The following KRR1 variants were observed in gnomAD, a reference collection of about 807,000 sequenced individuals.
The protein encoded by KRR1 is KRR1 small subunit processome component, also known as KRR1 small subunit processome component homolog.
KRR1 carries 23 observed loss-of-function variants against 50.0 expected under a neutral mutation model. That is an observed-to-expected ratio of 0.46 (90% CI 0.33 to 0.65). The LOEUF (loss-of-function observed/expected upper bound fraction) is 0.65, where lower values mean the gene tolerates loss of function less well. KRR1 is among the 30% of genes least tolerant of loss of function. The pLI is 0.02. For synonymous variants in KRR1, 133 were observed against 146.3 expected (o/e 0.91, Z 0.66); for missense variants, 419 against 442.4 (o/e 0.95, Z 0.47).
rs768895750 is a variant in KRR1, at chr12:75,506,576, C to G, written c.427G>C (p.Asp143His). 1.3e-6 allele frequency: 2 copies of G among 1,508,492 alleles called. No homozygotes were observed. Among genetic ancestry groups the G allele is most frequent in the South Asian group, 2.3e-5 (2 of 85,900 alleles). 93.4% of individuals were successfully genotyped at this position (1,508,492 alleles called of 1,614,324 possible). The change falls in exon 4 of 10, where the codon GAC (aspartate) becomes CAC (histidine). Residue 143 changes from aspartate to histidine, a missense_variant. Transcript: ENST00000229214. ...VRILQDDVAC[D>H]IIKIGSLVRN... ...ACTAAAGAACCTATTTTAATGATGT[C>G]ACATGCAACATCATCCTGAAGAATT... is the stretch of plus-strand genomic sequence containing the variant.
intron 5 of KRR1, 105 bp downstream of exon 5, chr12:75,506,211 C>T (rs2046420771): frequency 1.5e-6 from 1 of 671,854 alleles, no homozygotes; most frequent in Non-Finnish European, 2.4e-6. Context: ...AATCAAAGCA[C>T]ATTCTAAAGA....
Position 75,493,843 on chromosome 12 carries a change from C to T in KRR1, c.*5966G>A, listed in dbSNP as rs2046336077. On this transcript the variant is annotated 3_prime_UTR_variant, in exon 10 of 10. Coordinates refer to ENST00000229214, the MANE Select transcript of KRR1 (RefSeq NM_007043.7). Reference sequence around the variant, plus strand: ...CCCAAGATGAATACTACCATTTCCACAGACCTCACCGACTGTCTTGGTTTT... The same window carrying T: ...CCCAAGATGAATACTACCATTTCCATAGACCTCACCGACTGTCTTGGTTTT... The T allele has an allele frequency of 6.6e-6, 1 of 152,202 alleles. No individual in the cohort carries two copies. Among genetic ancestry groups the T allele is most frequent in the African/African-American group, 2.4e-5 (1 of 41,452 alleles). 9.4% of individuals were successfully genotyped at this position (152,202 alleles called of 1,614,324 possible).
chr12:75,499,548 C>A lies in KRR1; in HGVS notation c.*261G>T, dbSNP rs1268421470. ...CAAATGCTGGGACATCATTACTAAC[C>A]AATAGCATCAGACACTGGATTTAAT... On this transcript the variant is annotated 3_prime_UTR_variant, in exon 10 of 10. Coordinates refer to ENST00000229214, the MANE Select transcript of KRR1 (RefSeq NM_007043.7). 3 of 215,216 alleles carry A rather than the reference C, an allele frequency of 1.4e-5. No homozygotes were observed. The highest frequency in any genetic ancestry group is 6.9e-5 in the African/African-American group (3 of 43,424). 13.3% of individuals were successfully genotyped at this position (215,216 alleles called of 1,614,324 possible).
Position 75,498,667 on chromosome 12 carries a change from T to TTTTC in KRR1, c.*1138_*1141dup. ...CAACTGTGTCTACCCTTTTAATTTT[T>TTTTC]TTTCTTTCTTCCCCCTAACTTTACA... is the stretch of plus-strand genomic sequence containing the variant. On this transcript the variant is annotated 3_prime_UTR_variant, in exon 10 of 10. Coordinates refer to ENST00000229214, the MANE Select transcript of KRR1 (RefSeq NM_007043.7). 1 of 1,598,288 alleles carries TTTTC rather than the reference T, an allele frequency of 6.3e-7. No homozygotes were observed. Among genetic ancestry groups the TTTTC allele is most frequent in the Non-Finnish European group, 8.6e-7 (1 of 1,165,852 alleles).
At position 75,506,696 on chromosome 12, in the gene KRR1, A is replaced by G. The variant is rs1010343338; in HGVS notation, c.393+86T>C. 5 of 1,552,790 alleles carry G rather than the reference A, an allele frequency of 3.2e-6. No individual in the cohort carries two copies. In the African/African-American group the frequency reaches 6.9e-5, roughly 22 times the overall value. On this transcript the variant is annotated intron_variant, in intron 3 of 9. Coordinates refer to ENST00000229214, the MANE Select transcript of KRR1 (RefSeq NM_007043.7). ...TTCCAGGCCCACGCTATTGTTACCT[A>G]AGCACAAATATGAAAACTTGATGGT...
Position 75,503,903 on chromosome 12 carries a change from C to A in KRR1, c.831+1G>T. The stretch of plus-strand genomic sequence containing the variant: ...TATGAAGTTCTACATTTAGTACTAA[C>A]CTGACTTTCTGGTTGTGGTGGTGGG... On this transcript the variant is annotated splice_donor_variant, in intron 7 of 9. Coordinates refer to ENST00000229214, the MANE Select transcript of KRR1 (RefSeq NM_007043.7). LOFTEE classifies it high-confidence loss of function. The A allele has an allele frequency of 1.9e-6, 3 of 1,600,752 alleles. No individual in the cohort carries two copies. The highest frequency in any genetic ancestry group is 2.6e-6 in the Non-Finnish European group (3 of 1,175,102).
chr12:75,496,580 C>A lies in KRR1; in HGVS notation c.*3229G>T, dbSNP rs557376203. On this transcript the variant is annotated 3_prime_UTR_variant, in exon 10 of 10. Transcript: ENST00000229214. Reference sequence around the variant, plus strand: ...CCTTCCATCCCAGTATGTTTTTTTACCATGGTGTGAAGGGGAAACTTCAAT... The same window carrying A: ...CCTTCCATCCCAGTATGTTTTTTTAACATGGTGTGAAGGGGAAACTTCAAT... 2 of 152,002 alleles carry A rather than the reference C, an allele frequency of 1.3e-5. No individual in the cohort carries two copies. Among genetic ancestry groups the A allele is most frequent in the African/African-American group, 4.8e-5 (2 of 41,478 alleles). 9.4% of individuals were successfully genotyped at this position (152,002 alleles called of 1,614,324 possible).
Position 75,491,934 on chromosome 12 carries a change from G to T in KRR1, c.*7875C>A, listed in dbSNP as rs1440029218. 6.6e-6 allele frequency: 1 copy of T among 152,222 alleles called. No homozygotes were observed. Among genetic ancestry groups the T allele is most frequent in the South Asian group, 2.1e-4 (1 of 4,830 alleles). The allele number at this position is 152,222 out of a possible 1,614,324, so 9.4% of individuals were successfully genotyped here. A position where few individuals can be genotyped will look rare whatever the true frequency, so the allele number is the denominator to read the frequency against. Reference sequence around the variant, plus strand: ...GGTGTAATGTGCAGAAGACATGCTCGATACTCTGACTGAGTGCTGTAGGTG... The same window carrying T: ...GGTGTAATGTGCAGAAGACATGCTCTATACTCTGACTGAGTGCTGTAGGTG... On this transcript the variant is annotated 3_prime_UTR_variant, in exon 10 of 10. Transcript: ENST00000229214.
At position 75,498,122 on chromosome 12, in the gene KRR1, A is replaced by G. The variant is rs2046363037; in HGVS notation, c.*1687T>C. 6.6e-6 allele frequency: 1 copy of G among 152,500 alleles called. No individual in the cohort carries two copies. 9.4% of individuals were successfully genotyped at this position (152,500 alleles called of 1,614,324 possible). ...GGAAAAGGTTTCTATTTTATAAAAG[A>G]AAGTATCCAGAAGGCTAAAGGCAGT... On this transcript the variant is annotated 3_prime_UTR_variant, in exon 10 of 10. Coordinates refer to ENST00000229214, the MANE Select transcript of KRR1 (RefSeq NM_007043.7).
At chr12:75,507,827 GA>G (rs539391661) in intron 2 of KRR1, among the ~76,000 whole-genome samples, 8 of 147,528 alleles carry the variant, frequency 5.4e-5, no homozygotes, top group South Asian at 2.1e-4. Flanking sequence ...TCCCCAGTTT[GA>G]AAAAAAAAAT....
chr12:75,507,268 AC>A (rs1429071313), intron 2 of KRR1, among the ~76,000 whole-genome samples: 8 of 152,182 alleles, frequency 5.3e-5, no homozygotes, highest in African/African-American at 1.9e-4. Context: ...CCTATTCTGG[AC>A]CCAGCTCCAG....
At position 75,499,786 on chromosome 12, in the gene KRR1, C is replaced by A; in HGVS notation, c.*23G>T. ...AAATCCTTTACAAAAGGAGATAGTTCTAGTCAAGGAGTTTTGGGTATGTTA... is the reference window on the plus strand; with the variant it reads ...AAATCCTTTACAAAAGGAGATAGTTATAGTCAAGGAGTTTTGGGTATGTTA... On this transcript the variant is annotated 3_prime_UTR_variant, in exon 10 of 10. Transcript: ENST00000229214. The A allele has an allele frequency of 6.4e-7, 1 of 1,563,246 alleles. No individual in the cohort carries two copies. The highest frequency in any genetic ancestry group is 1.2e-5 in the South Asian group (1 of 84,182).
chr12:75,503,622 A>C (rs187702707), intron 7 of KRR1: 24 of 241,404 alleles, frequency 9.9e-5, no homozygotes, highest in Admixed American at 7.5e-4. Flanking sequence ...AGAGTATTGC[A>C]GACTAAACGA....
chr12:75,510,613 A>G (rs1236566544), intron 1 of KRR1, among the ~76,000 whole-genome samples: 2 of 152,226 alleles, frequency 1.3e-5, no homozygotes, highest in East Asian at 3.8e-4. Flanking sequence ...ACAGAATGCA[A>G]CACAATTCAG....
At chr12:75,502,103 C>T (rs2046398538) in intron 7 of KRR1, 103 bp from the exon 8 acceptor site, 2 of 865,054 alleles carry the variant, frequency 2.3e-6, no homozygotes, top group Non-Finnish European at 3.8e-6. Flanking sequence ...TGGGGTCAAA[C>T]TGATTTATTA....
At position 75,491,175 on chromosome 12, in the gene KRR1, AGATT is replaced by A. The variant is rs71745980; in HGVS notation, c.*8630_*8633del. On this transcript the variant is annotated 3_prime_UTR_variant, in exon 10 of 10. Transcript: ENST00000229214. Reference sequence around the variant, plus strand: ...AAGTGATTTTAATCATAAAAATGATAGATTGTTTATATAATGCTTACAATGCTCT... The same window carrying A: ...AAGTGATTTTAATCATAAAAATGATAGTTTATATAATGCTTACAATGCTCT... 0.32 allele frequency: 49,061 copies of A among 151,900 alleles called. 8,506 individuals carry two copies. Among genetic ancestry groups the A allele is most frequent in the East Asian group, 0.45 (2,320 of 5,140 alleles). The allele number at this position is 151,900 out of a possible 1,614,324, so 9.4% of individuals were successfully genotyped here.
rs1425638693 is a variant in KRR1, at chr12:75,498,959, A to G, written c.*850T>C. On this transcript the variant is annotated 3_prime_UTR_variant, in exon 10 of 10. Transcript: ENST00000229214. Reference sequence around the variant, plus strand: ...ATTTTGGTACAGCACAAGTACCCTAATTTAGTTCTTTTGGACTAATACAAT... The same window carrying G: ...ATTTTGGTACAGCACAAGTACCCTAGTTTAGTTCTTTTGGACTAATACAAT... The G allele has an allele frequency of 6.3e-7, 1 of 1,599,382 alleles. No homozygotes were observed. Among genetic ancestry groups the G allele is most frequent in the Admixed American group, 1.7e-5 (1 of 57,226 alleles).
In KRR1 at chr12:75,495,619, C is replaced by CA. The variant is rs1248394980; in HGVS notation, c.*4189dup. 6.2e-7 allele frequency: 1 copy of CA among 1,611,190 alleles called. No homozygotes were observed. The highest frequency in any genetic ancestry group is 1.7e-5 in the Admixed American group (1 of 59,992). ...GGCCATATAAGAGAGGAGCCACCTGCAGTGCCTGCCCCAATAATGACAAGT... is the reference window on the plus strand; with the variant it reads ...GGCCATATAAGAGAGGAGCCACCTGCAAGTGCCTGCCCCAATAATGACAAGT... On this transcript the variant is annotated 3_prime_UTR_variant, in exon 10 of 10. Transcript: ENST00000229214.
At chr12:75,507,295 A>G (rs1392635806) in intron 2 of KRR1, among the ~76,000 whole-genome samples, 1 of 152,210 alleles carries the variant, frequency 6.6e-6, no homozygotes, top group African/African-American at 2.4e-5. Context: ...CATCTGCTCC[A>G]TTGGGTAAGA....
Sources: gnomAD v4.1 joint callset for allele counts (sites outside exome capture counted in the v4.1 genomes callset) on GRCh38, gnomAD v4.1.1 for gene constraint, MANE v1.5 for transcripts, NCBI Gene and HGNC (gene_info 2026-07-23, HGNC 2026-07-21) for gene names.